Variants in TTC21A observed in about 807,000 individuals in gnomAD.
TTC21A encodes the protein tetratricopeptide repeat protein 21A.
In TTC21A, 128 loss-of-function variants were observed where a neutral mutation model predicts 156.4. The ratio of observed to expected loss-of-function variants is 0.82; its 90% CI spans 0.71 to 0.95. The LOEUF (loss-of-function observed/expected upper bound fraction) is 0.95, where lower values mean the gene tolerates loss of function less well. TTC21A is among the 40% of genes least tolerant of loss of function. TTC21A has a pLI of 0.00. For synonymous variants in TTC21A, 587 were observed against 617.1 expected, an observed-to-expected ratio of 0.95 and a Z score of 0.72; for missense variants, 1,435 against 1,602.3, an observed-to-expected ratio of 0.90 and a Z score of 1.78.
Position 39,130,619 on chromosome 3 carries a change from T to C in TTC21A, c.2320-82T>C, listed in dbSNP as rs1057195748. 1 of 1,551,882 alleles carries C rather than the reference T, an allele frequency of 6.4e-7. No homozygotes were observed. Among genetic ancestry groups the C allele is most frequent in the East Asian group, 2.2e-5 (1 of 44,456 alleles). ...TATGTTCTGGAGGGGCACACTGGTG[T>C]GATGGCTGCTGAGGGGAACATGGTG... is the stretch of plus-strand genomic sequence containing the variant. On this transcript the variant is annotated intron_variant, in intron 17 of 28. Coordinates refer to ENST00000683103, the MANE Select transcript of TTC21A (RefSeq NM_001366900.1). The surrounding 1 kb of genome is among the most constrained non-coding windows in gnomAD (Gnocchi z 4.5).
At chr3:39,114,862 G>T in intron 6 of TTC21A, 120 bp downstream of exon 6, 1 of 1,157,120 alleles carries the variant, frequency 8.6e-7, no homozygotes, top group Non-Finnish European at 1.2e-6. Context: ...ACTGGGAATT[G>T]TGCTATGGCC....
At chr3:39,132,408 C>T (rs1372736149) in intron 19 of TTC21A, among the ~76,000 whole-genome samples, 1 of 152,176 alleles carries the variant, frequency 6.6e-6, no homozygotes, top group Admixed American at 6.5e-5. Flanking sequence ...ACGTTTTTCC[C>T]CCCAGGGGTG....
At chr3:39,118,417 G>A (rs1341719244) in intron 7 of TTC21A, 2 of 539,888 alleles carry the variant, frequency 3.7e-6, no homozygotes, top group Non-Finnish European at 6.6e-6. Context: ...CTGGGCAGGT[G>A]TCCCCACCTG....
At position 39,109,102 on chromosome 3, in the gene TTC21A, T is replaced by C; in HGVS notation, c.45T>C (p.Tyr15=). The change falls in exon 2 of 29, where the codon TAT becomes TAC. Residue 15 remains tyrosine, a synonymous_variant. Transcript: ENST00000683103. ...DSSLMAGIIY[Y]SQEKYFHHVQ... is the part of the protein sequence containing the mutation. ...TCATACAGGCTGGGATCATTTACTATAGCCAGGAAAAGTACTTCCACCATG... is the reference window on the plus strand; with the variant it reads ...TCATACAGGCTGGGATCATTTACTACAGCCAGGAAAAGTACTTCCACCATG... 6.2e-7 allele frequency: 1 copy of C among 1,614,050 alleles called. No homozygotes were observed. Among genetic ancestry groups the C allele is most frequent in the African/African-American group, 1.3e-5 (1 of 75,050 alleles).
intron 5 of TTC21A, among the ~76,000 whole-genome samples, chr3:39,112,869 C>G (rs1006321421): frequency 1.3e-5 from 2 of 152,124 alleles, no homozygotes; most frequent in Admixed American, 1.3e-4. Flanking sequence ...CCCTCTCAGG[C>G]TTTCTCTCTG....
intron 12 of TTC21A, among the ~76,000 whole-genome samples, 178 bp downstream of exon 12, chr3:39,126,568 C>T (rs1279808300): frequency 6.7e-6 from 1 of 149,582 alleles, no homozygotes; most frequent in Non-Finnish European, 1.5e-5. Flanking sequence ...CATGCATGCT[C>T]CTTGCCTGGG....
At chr3:39,113,202 G>A (rs900620272) in intron 5 of TTC21A, among the ~76,000 whole-genome samples, 3 of 152,074 alleles carry the variant, frequency 2.0e-5, no homozygotes, top group African/African-American at 4.8e-5. Context: ...TAGTCTTACC[G>A]CTCCAAGACA....
intron 9 of TTC21A, among the ~76,000 whole-genome samples, chr3:39,122,209 G>A (rs1356589166): frequency 2.0e-5 from 3 of 151,986 alleles, no homozygotes; most frequent in Admixed American, 6.6e-5. Context: ...TATTTGGGAC[G>A]CTGAGGCCGG....
intron 7 of TTC21A, 142 bp from the exon 8 acceptor site, chr3:39,119,780 C>G (rs1316538711): frequency 1.6e-6 from 1 of 642,250 alleles, no homozygotes; most frequent in African/African-American, 1.9e-5. Flanking sequence ...TCACTTAAAT[C>G]TGAATTTCTG....
In TTC21A at chr3:39,131,222, C is replaced by T. The variant is rs2038708128; in HGVS notation, c.2562+127C>T. On this transcript the variant is annotated intron_variant, in intron 19 of 28. Transcript: ENST00000683103. ...TCCTTAAAAAAGGACCTAGGTTACA[C>T]CTCTGACATCCACCTTCACTTATTT... 6.1e-6 allele frequency: 4 copies of T among 652,028 alleles called. No homozygotes were observed. In the East Asian group the frequency reaches 1.1e-4, roughly 18 times the overall value. 40.4% of individuals were successfully genotyped at this position (652,028 alleles called of 1,614,324 possible). A position where few individuals can be genotyped will look rare whatever the true frequency, so the allele number is the denominator to read the frequency against.
rs1176936664 is a variant in TTC21A, at chr3:39,130,608, G to A, written c.2320-93G>A. 2.0e-6 allele frequency: 3 copies of A among 1,497,254 alleles called. No homozygotes were observed. Among genetic ancestry groups the A allele is most frequent in the East Asian group, 2.3e-5 (1 of 44,156 alleles). The allele number at this position is 1,497,254 out of a possible 1,614,324, so 92.7% of individuals were successfully genotyped here. A position where few individuals can be genotyped will look rare whatever the true frequency, so the allele number is the denominator to read the frequency against. On this transcript the variant is annotated intron_variant, in intron 17 of 28. Transcript: ENST00000683103. This position sits in a 1 kb window ranked among gnomAD's most constrained non-coding sequence, Gnocchi z 4.5. ...TCACTTTAGGCTATGTTCTGGAGGG[G>A]CACACTGGTGTGATGGCTGCTGAGG...
At chr3:39,128,622 A>G (rs1456508234) in intron 13 of TTC21A, 95 bp from the exon 14 acceptor site, 5 of 1,558,724 alleles carry the variant, frequency 3.2e-6, no homozygotes, top group Non-Finnish European at 4.4e-6. Flanking sequence ...GGGTAGGCTC[A>G]GTGGGCTCCT....
rs765129363 is a variant in TTC21A, at chr3:39,110,968, C to CGCTT, written c.386_387insGCTT (p.Lys130LeufsTer6). 1.9e-6 allele frequency: 3 copies of CGCTT among 1,613,852 alleles called. No individual in the cohort carries two copies. Among genetic ancestry groups the CGCTT allele is most frequent in the Non-Finnish European group, 2.5e-6 (3 of 1,179,894 alleles). On this transcript the variant is annotated frameshift_variant, in exon 4 of 29. Transcript: ENST00000683103. LOFTEE classifies it high-confidence loss of function. ...TGGCTCATAGGCCGCCATGACAAGG[C>CGCTT]CAAAGAGTACATTGACCGCATGCTG...
At chr3:39,116,316 T>A (rs895844220) in intron 6 of TTC21A, among the ~76,000 whole-genome samples, 3 of 152,212 alleles carry the variant, frequency 2.0e-5, no homozygotes, top group African/African-American at 7.2e-5. Context: ...TTCTTTCTTA[T>A]TTTTCTTCAT....
At chr3:39,124,351 A>G (rs1373666232) in intron 9 of TTC21A, among the ~76,000 whole-genome samples, 1 of 152,184 alleles carries the variant, frequency 6.6e-6, no homozygotes, top group Non-Finnish European at 1.5e-5. Flanking sequence ...TATGACTATC[A>G]TATACAAATT....
In TTC21A at chr3:39,134,131, G is replaced by C; in HGVS notation, c.2752-87G>C. 1 of 810,408 alleles carries C rather than the reference G, an allele frequency of 1.2e-6. No individual in the cohort carries two copies. The highest frequency in any genetic ancestry group is 1.4e-5 in the South Asian group (1 of 69,636). 50.2% of individuals were successfully genotyped at this position (810,408 alleles called of 1,614,324 possible). On this transcript the variant is annotated intron_variant, in intron 20 of 28. Transcript: ENST00000683103. The surrounding 1 kb of genome is among the most constrained non-coding windows in gnomAD (Gnocchi z 4.6). ...TTGAAGGCAGAGCTGATAGAAGTGG[G>C]GTGTGAGGGAAAGAGCTGTCAAGGA...
chr3:39,138,159 T>C, intron 26 of TTC21A, 108 bp from the exon 27 acceptor site: 1 of 1,538,108 alleles, frequency 6.5e-7, no homozygotes, highest in South Asian at 1.2e-5. Flanking sequence ...TTATGGCAGC[T>C]CACTTCTGTC....
intron 7 of TTC21A, chr3:39,118,461 C>T (rs534077195): frequency 1.7e-5 from 8 of 457,594 alleles, no homozygotes; most frequent in African/African-American, 1.3e-4. Context: ...GTAAAATAGA[C>T]AGAATTCCAC....
At chr3:39,111,603 G>A (rs1486408724) in intron 4 of TTC21A, among the ~76,000 whole-genome samples, 3 of 152,260 alleles carry the variant, frequency 2.0e-5, no homozygotes, top group Non-Finnish European at 4.4e-5. Context: ...TCTCAGCAGG[G>A]CTGATACCAA....
Sources: allele counts gnomAD v4.1 joint callset (sites outside exome capture counted in the v4.1 genomes callset), GRCh38; gene constraint gnomAD v4.1.1; non-coding constraint Gnocchi (gnomAD v3.1); transcripts MANE v1.5; gene names NCBI Gene and HGNC (gene_info 2026-07-23, HGNC 2026-07-21).